ZNF648: variants seen among roughly 807,000 people sequenced by gnomAD.
ZNF648 encodes zinc finger protein 648.
ZNF648 carries 1 observed loss-of-function variant against 0.3 expected under a neutral mutation model. The observed-to-expected ratio is 3.90, with a 90% CI of 1.39 to 18.51. ZNF648 has a LOEUF of 18.51. Among genes scored for constraint, ZNF648 ranks in the 30% most tolerant of loss-of-function variants. The pLI, the probability that ZNF648 is intolerant of heterozygous loss-of-function variation, is 0.11. For missense variants in ZNF648, 874 were observed against 769.7 expected (o/e 1.14, Z -1.60); for synonymous variants, 376 against 326.8 (o/e 1.15, Z -1.62).
At chr1:182,060,029 A>G (rs2101921516) in intron 1 of ZNF648, among the ~76,000 whole-genome samples, 1 of 152,308 alleles carries the variant, frequency 6.6e-6, no homozygotes, top group African/African-American at 2.4e-5. Context: ...GGCTCTGCCC[A>G]AGAGCAGCTG....
Position 182,057,175 on chromosome 1 carries a change from T to A in ZNF648, c.836A>T (p.Tyr279Phe). ...AETRGGAAKR[Y>F]ACELCGKAYS... ...GGCCTTCCCGCATAGCTCGCACGCG[T>A]AGCGCTTGGCGGCGCCGCCGCGCGT... Residue 279 changes from tyrosine to phenylalanine, a missense_variant, in exon 2 of 2, where the codon TAC becomes TTC. By Grantham distance (22) the Tyr-to-Phe change is conservative. Transcript: ENST00000339948. 1 of 1,589,780 alleles carries A rather than the reference T, an allele frequency of 6.3e-7. No individual in the cohort carries two copies. The highest frequency in any genetic ancestry group is 8.5e-7 in the Non-Finnish European group (1 of 1,173,448).
At chr1:182,058,377 C>T (rs1360044276) in intron 1 of ZNF648, among the ~76,000 whole-genome samples, 1 of 152,176 alleles carries the variant, frequency 6.6e-6, no homozygotes, top group African/African-American at 2.4e-5. Flanking sequence ...CAACCACTAA[C>T]CAAATGTGTC....
the ZNF648 span, chr1:182,069,116 C>T: frequency 1.3e-5 from 2 of 152,068 alleles, no homozygotes; most frequent in East Asian, 3.9e-4. Context: ...AGGCTGGAGC[C>T]TCCCGGCTCT....
chr1:182,062,972 C>T (rs1666050741), upstream of ZNF648: 1 of 152,160 alleles, frequency 6.6e-6, no homozygotes, highest in Non-Finnish European at 1.5e-5. Context: ...GTTTTCTGTT[C>T]CTTTGCCAGT....
Position 182,057,451 on chromosome 1 carries a change from G to T in ZNF648, c.560C>A (p.Ser187Tyr), listed in dbSNP as rs186666026. The change falls in exon 2 of 2, where the codon TCT becomes TAT. Residue 187 changes from serine to tyrosine, a missense_variant. Coordinates refer to ENST00000339948, the MANE Select transcript of ZNF648 (RefSeq NM_001009992.1). ...CGGCCTGGGGAAACACAACAGAGAA[G>T]AGTTCCCTGCGGACGTGTCTACACT... ...HKSVDTSAGN[S>Y]SLLCFPRPGS... The T allele has an allele frequency of 2.5e-6, 4 of 1,614,232 alleles. No individual in the cohort carries two copies. Among genetic ancestry groups the T allele is most frequent in the Non-Finnish European group, 3.4e-6 (4 of 1,180,038 alleles).
chr1:182,058,053 AT>A lies in ZNF648; in HGVS notation c.-44del. The A allele has an allele frequency of 6.5e-7, 1 of 1,541,172 alleles. No individual in the cohort carries two copies. Among genetic ancestry groups the A allele is most frequent in the Non-Finnish European group, 8.7e-7 (1 of 1,149,566 alleles). On this transcript the variant is annotated 5_prime_UTR_variant, in exon 2 of 2. Coordinates refer to ENST00000339948, the MANE Select transcript of ZNF648 (RefSeq NM_001009992.1). ...ATTGCCTACTCCTCTGAGGAGGAGTATCCTGCTTGGCTCAGGATACCTGCAA... is the reference window on the plus strand; with the variant it reads ...ATTGCCTACTCCTCTGAGGAGGAGTACCTGCTTGGCTCAGGATACCTGCAA...
At chr1:182,060,169 C>T (rs981933015) in intron 1 of ZNF648, among the ~76,000 whole-genome samples, 2 of 152,212 alleles carry the variant, frequency 1.3e-5, no homozygotes, top group African/African-American at 4.8e-5. Context: ...CCAGATTGCC[C>T]TCCGCCAAAG....
At chr1:182,063,671 A>G (rs1666062156), upstream of ZNF648, 1 of 152,144 alleles carries the variant, frequency 6.6e-6, no homozygotes, top group African/African-American at 2.4e-5. Flanking sequence ...GTTCACTCTG[A>G]TGATAGTTTC....
At chr1:182,067,895 T>C in the ZNF648 span, among the ~76,000 whole-genome samples, 1 of 152,200 alleles carries the variant, frequency 6.6e-6, no homozygotes, top group Non-Finnish European at 1.5e-5. Context: ...CACAGAGACT[T>C]CAGGCCTCCA....
intron 1 of ZNF648, among the ~76,000 whole-genome samples, chr1:182,060,963 T>C (rs1666023117): frequency 1.3e-5 from 2 of 152,154 alleles, no homozygotes; most frequent in Non-Finnish European, 2.9e-5. Flanking sequence ...TCTTTTCCTC[T>C]GGGCCACAGG....
At position 182,057,006 on chromosome 1, in the gene ZNF648, G is replaced by A; in HGVS notation, c.1005C>T (p.Tyr335=). 1 of 1,613,756 alleles carries A rather than the reference G, an allele frequency of 6.2e-7. No homozygotes were observed. The highest frequency in any genetic ancestry group is 1.6e-4 in the Middle Eastern group (1 of 6,062). Residue 335 remains tyrosine, a synonymous_variant, in exon 2 of 2, where the codon TAC becomes TAT. Transcript: ENST00000339948. Reference sequence around the variant, plus strand: ...AGGCCTTCCCGCAGTCTGGACACGGGTAGGGTTTCTCGCCTGTGTGGGTGC... The same window carrying A: ...AGGCCTTCCCGCAGTCTGGACACGGATAGGGTTTCTCGCCTGTGTGGGTGC... ...HIRTHTGEKP[Y]PCPDCGKAFV...
chr1:182,059,612 G>A (rs1244502206), intron 1 of ZNF648, among the ~76,000 whole-genome samples: 1 of 152,110 alleles, frequency 6.6e-6, no homozygotes, highest in Non-Finnish European at 1.5e-5. Context: ...CAAACTTTAA[G>A]ATAGATGCTA....
upstream of ZNF648, chr1:182,064,333 T>C (rs1666069780): frequency 6.6e-6 from 1 of 152,168 alleles, no homozygotes; most frequent in Admixed American, 6.6e-5. Context: ...CTATTCATTA[T>C]TGATGATTTT....
chr1:182,060,248 G>C (rs543906531), intron 1 of ZNF648, among the ~76,000 whole-genome samples: 1 of 152,212 alleles, frequency 6.6e-6, no homozygotes, highest in Non-Finnish European at 1.5e-5. Context: ...TGGTGCTCAA[G>C]AGTATTAGTC....
chr1:182,057,457 C>T lies in ZNF648; in HGVS notation c.554G>A (p.Gly185Glu). 6.2e-7 allele frequency: 1 copy of T among 1,614,240 alleles called. No homozygotes were observed. Among genetic ancestry groups the T allele is most frequent in the Non-Finnish European group, 8.5e-7 (1 of 1,180,044 alleles). The stretch of plus-strand genomic sequence containing the variant: ...GGGGAAACACAACAGAGAAGAGTTC[C>T]CTGCGGACGTGTCTACACTTTTGTG... ...CAHKSVDTSAGNSSLLCFPRP... is the reference protein window; with the variant it reads ...CAHKSVDTSAENSSLLCFPRP... The change falls in exon 2 of 2, where the codon GGG becomes GAG. Residue 185 changes from glycine to glutamate, a missense_variant. Transcript: ENST00000339948.
rs748209277 is a variant in ZNF648 at position 182,056,607 on chromosome 1, G to T, written c.1404C>A (p.Arg468=). 1.2e-5 allele frequency: 20 copies of T among 1,613,306 alleles called. No homozygotes were observed. Among genetic ancestry groups the T allele is most frequent in the Non-Finnish European group, 1.6e-5 (19 of 1,179,690 alleles). Residue 468 remains arginine, a synonymous_variant, in exon 2 of 2, where the codon CGC becomes CGA. Coordinates refer to ENST00000339948, the MANE Select transcript of ZNF648 (RefSeq NM_001009992.1). ...GAAAGGGCCTCTCGCCAGTGTGGAT[G>T]CGCTGGTGGCGCACGAGGCGCGAGG... The part of the protein sequence containing the change: ...AQPSRLVRHQ[R]IHTGERPFPC...
At chr1:182,059,114 C>T (rs893490620) in intron 1 of ZNF648, among the ~76,000 whole-genome samples, 2 of 152,198 alleles carry the variant, frequency 1.3e-5, no homozygotes, top group Non-Finnish European at 2.9e-5. Context: ...AGCCACTGTG[C>T]CCTGCCAGTC....
At chr1:182,062,429 G>A (rs61806428), upstream of ZNF648, among the ~76,000 whole-genome samples, 21,190 of 152,174 alleles carry the variant, frequency 0.14, 1,642 homozygotes, top group East Asian at 0.28. Context: ...TTCCTGTGAT[G>A]TCACTAGGTG....
chr1:182,058,653 A>T (rs1028831433), intron 1 of ZNF648, among the ~76,000 whole-genome samples: 7 of 152,136 alleles, frequency 4.6e-5, no homozygotes, highest in African/African-American at 1.7e-4. Flanking sequence ...GTTGCCCCTC[A>T]CTGATTAAGC....
Sources: gnomAD v4.1 joint callset for allele counts (sites outside exome capture counted in the v4.1 genomes callset) on GRCh38, gnomAD v4.1.1 for gene constraint, MANE v1.5 for transcripts, NCBI Gene and HGNC (gene_info 2026-07-23, HGNC 2026-07-21) for gene names.